Variants in SORL1 observed in about 807,000 individuals in gnomAD.
SORL1 encodes sortilin related receptor 1.
SORL1 carries 127 observed loss-of-function variants against 273.7 expected under a neutral mutation model. That is an observed-to-expected ratio of 0.46 (90% CI 0.40 to 0.54). The LOEUF is 0.54. Among genes scored for constraint, SORL1 ranks in the 20% least tolerant of loss-of-function variants. The pLI is 0.00. For synonymous variants in SORL1, 1,031 were observed against 1,067.4 expected, an observed-to-expected ratio of 0.97 and a Z score of 0.66; for missense variants, 2,494 against 2,846.1, an observed-to-expected ratio of 0.88 and a Z score of 2.81.
chr11:121,452,860 A>T lies in SORL1; in HGVS notation c.285+244A>T, dbSNP rs187484071. ...CGCCGGGTGCAGTGCGTATTACCCC[A>T]GGGTGTGTGCAGAGAGATGTAGTTT... is the stretch of plus-strand genomic sequence containing the variant. On this transcript the variant is annotated intron_variant, in intron 1 of 47. Coordinates refer to ENST00000260197, the MANE Select transcript of SORL1 (RefSeq NM_003105.6). The surrounding 1 kb of genome is among the most constrained non-coding windows in gnomAD (Gnocchi z 5.3). 1.1e-5 allele frequency: 5 copies of T among 450,482 alleles called. No homozygotes were observed. The Admixed American group carries it at 1.8e-4, about 16-fold the overall frequency. 27.9% of individuals were successfully genotyped at this position (450,482 alleles called of 1,614,324 possible). A position where few individuals can be genotyped will look rare whatever the true frequency, so the allele number is the denominator to read the frequency against.
At chr11:121,544,530 G>C (rs967332444) in intron 13 of SORL1, among the ~76,000 whole-genome samples, 3 of 152,208 alleles carry the variant, frequency 2.0e-5, no homozygotes, top group African/African-American at 7.2e-5. Context: ...AAGCCTGATA[G>C]CCTAACAGTC....
chr11:121,488,316 G>A (rs1861506069), intron 4 of SORL1, 123 bp downstream of exon 4: 1 of 950,872 alleles, frequency 1.1e-6, no homozygotes, highest in South Asian at 1.6e-5. Context: ...CTTGGGCCTA[G>A]CCTTTGTAGC....
intron 11 of SORL1, among the ~76,000 whole-genome samples, chr11:121,529,422 G>C (rs1862170212): frequency 6.6e-6 from 1 of 152,068 alleles, no homozygotes; most frequent in South Asian, 2.1e-4. Context: ...TCGCCATGTT[G>C]GTTAGGTTGG....
chr11:121,469,851 C>G (rs1259255478), intron 1 of SORL1, among the ~76,000 whole-genome samples, 156 bp from the exon 2 acceptor site: 4 of 152,172 alleles, frequency 2.6e-5, no homozygotes, highest in Non-Finnish European at 5.9e-5. Flanking sequence ...ACAGAATATG[C>G]ATGAGGTGGG....
rs766534267 is a variant in SORL1, at chr11:121,554,082, G to C, written c.2412G>C (p.Trp804Cys). ...DFDYEHNCLY[W>C]SDLALDVIQR... Reference sequence around the variant, plus strand: ...ACTATGAGCACAACTGTTTGTATTGGTCCGACCTGGCCTTGGACGTCATCC... The same window carrying C: ...ACTATGAGCACAACTGTTTGTATTGCTCCGACCTGGCCTTGGACGTCATCC... Residue 804 changes from tryptophan to cysteine, a missense_variant, in exon 17 of 48, where the codon TGG becomes TGC. Trp to Cys is a radical substitution (Grantham distance 215). Around this residue, in one of 3 missense-constraint regions of SORL1, gnomAD observed 710 missense variants for 882.5 expected, o/e 0.80. Transcript: ENST00000260197. This position sits in a 1 kb window ranked among gnomAD's most constrained non-coding sequence, Gnocchi z 4.6. 1 of 1,614,142 alleles carries C rather than the reference G, an allele frequency of 6.2e-7. No homozygotes were observed. The highest frequency in any genetic ancestry group is 8.5e-7 in the Non-Finnish European group (1 of 1,180,018).
intron 32 of SORL1, among the ~76,000 whole-genome samples, chr11:121,597,411 C>T (rs1863312242): frequency 6.6e-6 from 1 of 151,008 alleles, no homozygotes; most frequent in South Asian, 2.1e-4. Flanking sequence ...TTCTGGCAGG[C>T]ATTGATCAGG....
At chr11:121,575,387 G>A (rs1387306914) in intron 24 of SORL1, among the ~76,000 whole-genome samples, 1 of 152,280 alleles carries the variant, frequency 6.6e-6, no homozygotes, top group Non-Finnish European at 1.5e-5. Flanking sequence ...AGAGGGAAGT[G>A]AGAGTGGAGG....
rs756678236 is a variant in SORL1 at position 121,557,328 on chromosome 11, T to G, written c.2586T>G (p.Asp862Glu). The G allele has an allele frequency of 3.0e-5, 49 of 1,613,968 alleles. No individual in the cohort carries two copies. The East Asian group carries it at 9.6e-4, about 32-fold the overall frequency. Residue 862 changes from aspartate (D) to glutamate (E), a missense_variant, in exon 19 of 48, where the codon GAT becomes GAG. This residue lies in a region of SORL1 where 1,609 missense variants were observed against 1,816.4 expected (regional missense o/e 0.89). Coordinates refer to ENST00000260197, the MANE Select transcript of SORL1 (RefSeq NM_003105.6). ...GTTTTTGTCAGGTAGCTAATCCAGATGGCGACTTCCGACTCACAATCGTCA... is the reference window on the plus strand; with the variant it reads ...GTTTTTGTCAGGTAGCTAATCCAGAGGGCGACTTCCGACTCACAATCGTCA... ...GFKKIEVANP[D>E]GDFRLTIVNS...
chr11:121,534,502 AG>A (rs1191759707), intron 12 of SORL1, among the ~76,000 whole-genome samples: 1 of 152,198 alleles, frequency 6.6e-6, no homozygotes, highest in Non-Finnish European at 1.5e-5. Flanking sequence ...CTATTTGTAT[AG>A]GTTTCATTTG....
At chr11:121,521,167 A>G (rs1862037604) in intron 9 of SORL1, among the ~76,000 whole-genome samples, 3 of 152,004 alleles carry the variant, frequency 2.0e-5, no homozygotes, top group Admixed American at 2.0e-4. Context: ...ATGGTGGGCT[A>G]TGTGGACACT....
chr11:121,574,441 G>T (rs1437747610), intron 24 of SORL1, 78 bp downstream of exon 24: 3 of 1,366,568 alleles, frequency 2.2e-6, no homozygotes, highest in South Asian at 2.6e-5. Context: ...GTACTGGTAT[G>T]TACTGGTTTT....
Position 121,625,069 on chromosome 11 carries a change from T to C in SORL1, c.6172-16T>C. The C allele has an allele frequency of 6.3e-7, 1 of 1,587,554 alleles. No homozygotes were observed. The highest frequency in any genetic ancestry group is 8.6e-7 in the Non-Finnish European group (1 of 1,159,866). On this transcript the variant is annotated splice_polypyrimidine_tract_variant and intron_variant, in intron 45 of 47. Coordinates refer to ENST00000260197, the MANE Select transcript of SORL1 (RefSeq NM_003105.6). ...CATATTCGACTTCCTGAGCAATCTC[T>C]TGTGTTTGTTTTCAGGGCTATGAGA... is the stretch of plus-strand genomic sequence containing the variant.
At chr11:121,622,351 G>A (rs950944153) in intron 45 of SORL1, 83 bp downstream of exon 45, 8 of 680,142 alleles carry the variant, frequency 1.2e-5, no homozygotes, top group Non-Finnish European at 2.0e-5. Context: ...CAGCATGCTG[G>A]CATAGATAGT....
Position 121,452,711 on chromosome 11 carries a change from A to G in SORL1, c.285+95A>G, listed in dbSNP as rs904789817. 2 of 1,158,050 alleles carry G rather than the reference A, an allele frequency of 1.7e-6. No homozygotes were observed. The highest frequency in any genetic ancestry group is 3.3e-5 in the African/African-American group (2 of 61,428). The allele number at this position is 1,158,050 out of a possible 1,614,324, so 71.7% of individuals were successfully genotyped here. A position where few individuals can be genotyped will look rare whatever the true frequency, so the allele number is the denominator to read the frequency against. Reference sequence around the variant, plus strand: ...TCCGTTGCAGTCGCCTCCTAGGTGCAGGCACCACTGGGGACTTCCCGGCTT... The same window carrying G: ...TCCGTTGCAGTCGCCTCCTAGGTGCGGGCACCACTGGGGACTTCCCGGCTT... On this transcript the variant is annotated intron_variant, in intron 1 of 47. Coordinates refer to ENST00000260197, the MANE Select transcript of SORL1 (RefSeq NM_003105.6). The surrounding 1 kb of genome is among the most constrained non-coding windows in gnomAD (Gnocchi z 5.3).
intron 1 of SORL1, among the ~76,000 whole-genome samples, chr11:121,467,187 G>A (rs369576319): frequency 2.6e-5 from 4 of 151,874 alleles, no homozygotes; most frequent in Non-Finnish European, 4.4e-5. Flanking sequence ...CCGCCACCAC[G>A]CCCGGCTAAT....
rs757386799 is a variant in SORL1 at position 121,478,108 on chromosome 11, T to C, written c.403-10T>C. The stretch of plus-strand genomic sequence containing the variant: ...TCTTTCTTTTTCATCTCCTTTTCTC[T>C]GTATTCCAGGTGTACGTGTCTTACG... On this transcript the variant is annotated splice_polypyrimidine_tract_variant and intron_variant, in intron 2 of 47. Coordinates refer to ENST00000260197, the MANE Select transcript of SORL1 (RefSeq NM_003105.6). 1.2e-6 allele frequency: 2 copies of C among 1,610,026 alleles called. No individual in the cohort carries two copies. The highest frequency in any genetic ancestry group is 1.7e-5 in the Admixed American group (1 of 59,104).
At chr11:121,538,352 C>T (rs1862296992) in intron 12 of SORL1, among the ~76,000 whole-genome samples, 1 of 152,188 alleles carries the variant, frequency 6.6e-6, no homozygotes, top group South Asian at 2.1e-4. Flanking sequence ...CCCCCAAACC[C>T]CTGCCCCAAT....
At chr11:121,514,460 G>A (rs117832135) in intron 8 of SORL1, 139 bp downstream of exon 8, 14,010 of 797,290 alleles carry the variant, frequency 0.018, 185 homozygotes, top group Non-Finnish European at 0.02. Context: ...CCTGGCTCAC[G>A]TGCGCAGAGA....
intron 30 of SORL1, chr11:121,590,560 T>C (rs574046569): frequency 6.1e-5 from 34 of 556,058 alleles, no homozygotes; most frequent in Non-Finnish European, 1.0e-4. Flanking sequence ...ACAATGCATT[T>C]GAGGAGCACT....
Sources: gnomAD v4.1 joint callset for allele counts (sites outside exome capture counted in the v4.1 genomes callset) on GRCh38, gnomAD v4.1.1 for gene constraint, gnomAD v4.1.1 regional missense constraint, Gnocchi (gnomAD v3.1) non-coding constraint, MANE v1.5 for transcripts, NCBI Gene and HGNC (gene_info 2026-07-23, HGNC 2026-07-21) for gene names.